The following KCNQ5 variants were observed in gnomAD, a reference collection of about 807,000 sequenced individuals.
The protein encoded by KCNQ5 is potassium voltage-gated channel subfamily Q member 5.
A neutral mutation model predicts 98.2 loss-of-function variants in KCNQ5; 30 were observed. That is an observed-to-expected ratio of 0.31 (90% confidence interval 0.23 to 0.41). KCNQ5 has a LOEUF of 0.41. Among genes scored for constraint, KCNQ5 ranks in the 10% least tolerant of loss-of-function variants. KCNQ5 has a pLI of 1.00. For missense variants in KCNQ5, 835 were observed against 1,182.5 expected (o/e 0.71, Z 4.31); for synonymous variants, 458 against 449.4 (o/e 1.02, Z -0.24).
At chr6:72,916,152 A>T (rs1047559016) in intron 1 of KCNQ5, among the ~76,000 whole-genome samples, 1 of 152,252 alleles carries the variant, frequency 6.6e-6, no homozygotes, top group Admixed American at 6.5e-5. Flanking sequence ...TACCACAGTG[A>T]CAGTGTGGAA....
chr6:73,131,528 A>G (rs1367970909), intron 9 of KCNQ5, among the ~76,000 whole-genome samples: 3 of 152,168 alleles, frequency 2.0e-5, no homozygotes, highest in Non-Finnish European at 4.4e-5. Context: ...TTCCTGAACT[A>G]GATCATTGTA....
intron 1 of KCNQ5, among the ~76,000 whole-genome samples, chr6:72,808,985 C>G (rs563091810): frequency 1.3e-5 from 2 of 151,070 alleles, no homozygotes; most frequent in East Asian, 3.9e-4. Flanking sequence ...AGACTTGGAA[C>G]CAACCCAAAT....
intron 1 of KCNQ5, among the ~76,000 whole-genome samples, chr6:72,903,139 T>C (rs1779573195): frequency 6.6e-6 from 1 of 152,190 alleles, no homozygotes; most frequent in Non-Finnish European, 1.5e-5. Flanking sequence ...TATAGTAACC[T>C]TGAAAGATCT....
chr6:72,678,037 G>C (rs1355837279), intron 1 of KCNQ5, among the ~76,000 whole-genome samples: 1 of 152,208 alleles, frequency 6.6e-6, no homozygotes, highest in Non-Finnish European at 1.5e-5. Context: ...ATTGTGGTTA[G>C]AGGCCTGTTA....
chr6:72,642,881 G>T (rs1285257476), intron 1 of KCNQ5, among the ~76,000 whole-genome samples: 1 of 152,114 alleles, frequency 6.6e-6, no homozygotes, highest in Admixed American at 6.5e-5. Flanking sequence ...GTGGTAGACT[G>T]GATAAAGAAA....
intron 5 of KCNQ5, among the ~76,000 whole-genome samples, chr6:73,097,202 G>A (rs1774548215): frequency 7.2e-6 from 1 of 137,934 alleles, no homozygotes; most frequent in Non-Finnish European, 1.6e-5. Flanking sequence ...CTGAGGCTTT[G>A]TGTCCTTTGA....
rs370339987 is a variant in KCNQ5 at position 73,010,053 on chromosome 6, AG to A, written c.489+6056del. ...GCATTACTTTGATGCCAAAGACACA[AG>A]AAAAAGAAAACCATAGACCATTATT... On this transcript the variant is annotated intron_variant, in intron 2 of 13. Coordinates refer to ENST00000370398, the MANE Select transcript of KCNQ5 (RefSeq NM_019842.4). Among the ~76,000 whole-genome samples, 37 of 152,282 alleles carry A rather than the reference AG, an allele frequency of 2.4e-4. No homozygotes were observed. The South Asian group carries it at 3.1e-3, about 13-fold the overall frequency.
chr6:73,078,124 A>G (rs1773608599), intron 5 of KCNQ5, among the ~76,000 whole-genome samples: 1 of 150,710 alleles, frequency 6.6e-6, no homozygotes. Flanking sequence ...GCCAAAATTA[A>G]AAATATATAA....
At chr6:72,706,671 T>C (rs1328753867) in intron 1 of KCNQ5, among the ~76,000 whole-genome samples, 1 of 152,174 alleles carries the variant, frequency 6.6e-6, no homozygotes, top group Non-Finnish European at 1.5e-5. Context: ...CCTAAACTGA[T>C]GTCATAGAGG....
At chr6:72,828,100 A>G (rs1380867679) in intron 1 of KCNQ5, among the ~76,000 whole-genome samples, 1 of 151,990 alleles carries the variant, frequency 6.6e-6, no homozygotes, top group Non-Finnish European at 1.5e-5. Context: ...GTCTGTTTTT[A>G]TGTTAGTACT....
intron 5 of KCNQ5, among the ~76,000 whole-genome samples, chr6:73,089,975 A>T (rs903522213): frequency 2.0e-5 from 3 of 152,176 alleles, no homozygotes; most frequent in Non-Finnish European, 4.4e-5. Flanking sequence ...TAGTTCTTTA[A>T]GGAATCTCCA....
rs965894642 is a variant in KCNQ5 at position 72,852,725 on chromosome 6, T to G, written c.399-151183T>G. Reference sequence around the variant, plus strand: ...ATACTTTACCTCAATAAAAAAAAGATAAAATAATTTTTTAGGAATTTTATG... The same window carrying G: ...ATACTTTACCTCAATAAAAAAAAGAGAAAATAATTTTTTAGGAATTTTATG... On this transcript the variant is annotated intron_variant, in intron 1 of 13. Transcript: ENST00000370398. Among the ~76,000 whole-genome samples, 66 of 144,742 alleles carry G rather than the reference T, an allele frequency of 4.6e-4. 2 individuals are homozygous for G. In the Admixed American group the frequency reaches 4.6e-3, roughly 10 times the overall value. The allele number at this position is 144,742 out of a possible 152,430, so 95.0% of individuals were successfully genotyped here. A position where few individuals can be genotyped will look rare whatever the true frequency, so the allele number is the denominator to read the frequency against.
chr6:72,655,053 T>C lies in KCNQ5; in HGVS notation c.398+32466T>C, dbSNP rs572889132. Among the ~76,000 whole-genome samples the C allele has an allele frequency of 1.7e-3, 261 of 149,704 alleles. 3 individuals carry two copies. Among genetic ancestry groups the C allele is most frequent in the African/African-American group, 5.6e-3 (227 of 40,850 alleles). Reference sequence around the variant, plus strand: ...CTTTCTTTCTTTCTTTCTTTCTTTCTTTCTTTCTTTCTTTCTTTCTTTCTT... The same window carrying C: ...CTTTCTTTCTTTCTTTCTTTCTTTCCTTCTTTCTTTCTTTCTTTCTTTCTT... On this transcript the variant is annotated intron_variant, in intron 1 of 13. Coordinates refer to ENST00000370398, the MANE Select transcript of KCNQ5 (RefSeq NM_019842.4).
intron 9 of KCNQ5, among the ~76,000 whole-genome samples, chr6:73,133,093 A>T (rs935416460): frequency 6.6e-6 from 1 of 152,256 alleles, no homozygotes; most frequent in African/African-American, 2.4e-5. Flanking sequence ...AGCTAAAATT[A>T]CCCAACTGTT....
chr6:73,000,407 C>T (rs901781264), intron 1 of KCNQ5, among the ~76,000 whole-genome samples: 13 of 152,160 alleles, frequency 8.5e-5, no homozygotes, highest in Non-Finnish European at 1.9e-4. Flanking sequence ...TTTACCAAAA[C>T]TTTATATGCT....
At chr6:72,642,769 A>G (rs533494621) in intron 1 of KCNQ5, among the ~76,000 whole-genome samples, 1 of 152,166 alleles carries the variant, frequency 6.6e-6, no homozygotes, top group African/African-American at 2.4e-5. Context: ...TATGTACCCA[A>G]AGGAATATAA....
chr6:72,913,820 G>A (rs1674878236), intron 1 of KCNQ5, among the ~76,000 whole-genome samples: 1 of 152,210 alleles, frequency 6.6e-6, no homozygotes, highest in Non-Finnish European at 1.5e-5. Context: ...ATAAAGAAAT[G>A]AAACAGGTAA....
chr6:72,658,132 C>T (rs1766288108), intron 1 of KCNQ5, among the ~76,000 whole-genome samples: 1 of 152,016 alleles, frequency 6.6e-6, no homozygotes, highest in South Asian at 2.1e-4. Context: ...AGTCTGAATT[C>T]CAAAATGTCT....
intron 3 of KCNQ5, among the ~76,000 whole-genome samples, chr6:73,054,597 T>C (rs559440588): frequency 2.6e-5 from 4 of 152,250 alleles, no homozygotes; most frequent in African/African-American, 7.2e-5. Context: ...AAAAACCACA[T>C]GATCATCTCA....
Sources: gnomAD v4.1 joint callset for allele counts (sites outside exome capture counted in the v4.1 genomes callset) on GRCh38, gnomAD v4.1.1 for gene constraint, MANE v1.5 for transcripts, NCBI Gene and HGNC (gene_info 2026-07-23, HGNC 2026-07-21) for gene names.